NUFIP1: variants seen among roughly 807,000 people sequenced by gnomAD.
NUFIP1 encodes FMR1-interacting protein NUFIP1.
NUFIP1 carries 38 observed loss-of-function variants against 56.2 expected under a neutral mutation model. The observed-to-expected ratio is 0.68, with a 90% CI of 0.52 to 0.89. The LOEUF (loss-of-function observed/expected upper bound fraction) is 0.89. Ranked by LOEUF, NUFIP1 falls within the 40% of genes least tolerant of loss-of-function variation. The pLI is 0.00. For synonymous variants in NUFIP1, 215 were observed against 212.4 expected, an observed-to-expected ratio of 1.01 and a Z score of -0.10; for missense variants, 567 against 605.8, an observed-to-expected ratio of 0.94 and a Z score of 0.67.
chr13:44,987,430 G>A (rs948463212), intron 1 of NUFIP1, among the ~76,000 whole-genome samples: 39 of 152,050 alleles, frequency 2.6e-4, no homozygotes, highest in African/African-American at 8.9e-4. Flanking sequence ...GAGCTACCCT[G>A]CTCAGCCTAA....
At chr13:44,979,576 A>G (rs553926145) in intron 4 of NUFIP1, among the ~76,000 whole-genome samples, 59 of 152,342 alleles carry the variant, frequency 3.9e-4, no homozygotes, top group Non-Finnish European at 7.5e-4. Context: ...AGAGGCCACT[A>G]AAGATATGAG....
chr13:44,949,766 A>G lies in NUFIP1; in HGVS notation c.1094T>C (p.Met365Thr). 1 of 1,613,496 alleles carries G rather than the reference A, an allele frequency of 6.2e-7. No individual in the cohort carries two copies. Among genetic ancestry groups the G allele is most frequent in the African/African-American group, 1.3e-5 (1 of 74,910 alleles). Residue 365 changes from methionine (M) to threonine (T), a missense_variant, in exon 8 of 10, where the codon ATG becomes ACG. Transcript: ENST00000379161. ...CCCTGAAAGACTGCCATAGCTACTCATTAGTGAGCATAGGGCTGGTGTCAC... is the reference window on the plus strand; with the variant it reads ...CCCTGAAAGACTGCCATAGCTACTCGTTAGTGAGCATAGGGCTGGTGTCAC... Reference protein sequence around the residue: ...KEVTPALCSLMSSYGSLSGSE... With the variant: ...KEVTPALCSLTSSYGSLSGSE...
intron 7 of NUFIP1, among the ~76,000 whole-genome samples, chr13:44,950,880 A>G (rs988945837): frequency 6.6e-6 from 1 of 152,212 alleles, no homozygotes; most frequent in Non-Finnish European, 1.5e-5. Context: ...ACTGAAGACA[A>G]TAAGTAATTT....
intron 6 of NUFIP1, among the ~76,000 whole-genome samples, chr13:44,964,682 T>G (rs1871538294): frequency 6.6e-6 from 1 of 152,152 alleles, no homozygotes; most frequent in Non-Finnish European, 1.5e-5. Context: ...GAAGACTGAT[T>G]GGCATGTATT....
chr13:44,952,917 T>C (rs544030585), intron 7 of NUFIP1, among the ~76,000 whole-genome samples: 35 of 152,340 alleles, frequency 2.3e-4, no homozygotes, highest in African/African-American at 8.2e-4. Context: ...TTGAAGATTA[T>C]TGTCAGGTAT....
chr13:44,963,284 T>C (rs1014674251), intron 6 of NUFIP1, among the ~76,000 whole-genome samples: 4 of 152,236 alleles, frequency 2.6e-5, no homozygotes, highest in African/African-American at 7.2e-5. Context: ...GGTTTATTCC[T>C]AGGCATTTGA....
Position 44,973,914 on chromosome 13 carries a change from AT to A in NUFIP1, c.734+5275del, listed in dbSNP as rs1268021049. Among the ~76,000 whole-genome samples the A allele has an allele frequency of 4.6e-5, 7 of 152,368 alleles. No homozygotes were observed. The South Asian group carries it at 1.4e-3, about 32-fold the overall frequency. ...AGTTTGACTGAGACAAAAAGCCCCT[AT>A]AAGCAAATAATATGGAAATAATCAG... On this transcript the variant is annotated intron_variant, in intron 5 of 9. Coordinates refer to ENST00000379161, the MANE Select transcript of NUFIP1 (RefSeq NM_012345.3).
At chr13:44,983,438 A>T (rs1872267567) in intron 1 of NUFIP1, among the ~76,000 whole-genome samples, 1 of 151,926 alleles carries the variant, frequency 6.6e-6, no homozygotes, top group Non-Finnish European at 1.5e-5. Context: ...CGGCCTCCCA[A>T]AGTGCTGGGA....
At chr13:44,950,038 G>A (rs569529443) in intron 7 of NUFIP1, among the ~76,000 whole-genome samples, 200 bp from the exon 8 acceptor site, 1 of 152,272 alleles carries the variant, frequency 6.6e-6, no homozygotes, top group East Asian at 1.9e-4. Context: ...TGCCCCAGAG[G>A]AGACAGTGAG....
chr13:44,975,349 C>T (rs1871934680), intron 5 of NUFIP1, among the ~76,000 whole-genome samples: 1 of 152,120 alleles, frequency 6.6e-6, no homozygotes, highest in African/African-American at 2.4e-5. Flanking sequence ...TCAACAATGT[C>T]CAACCCAATA....
chr13:44,965,437 G>T (rs974919485), intron 6 of NUFIP1, among the ~76,000 whole-genome samples: 1 of 152,156 alleles, frequency 6.6e-6, no homozygotes, highest in Admixed American at 6.5e-5. Context: ...GGCCAGGTGC[G>T]GTAATCCCAT....
At chr13:44,979,132 C>T (rs999854115) in intron 5 of NUFIP1, 58 bp downstream of exon 5, 14 of 1,328,142 alleles carry the variant, frequency 1.1e-5, no homozygotes, top group Middle Eastern at 3.7e-4. Flanking sequence ...AATTTAACTA[C>T]ATTAATAAGC....
chr13:44,983,423 T>G (rs935941470), intron 1 of NUFIP1, among the ~76,000 whole-genome samples: 1 of 151,702 alleles, frequency 6.6e-6, no homozygotes, highest in Non-Finnish European at 1.5e-5. Context: ...GTGATCCACC[T>G]GCCTCGGCCT....
At position 44,940,207 on chromosome 13, in the gene NUFIP1, T is replaced by C. The variant is rs1870686299; in HGVS notation, c.*999A>G. Reference sequence around the variant, plus strand: ...GTGAAACAGAATAAACAGATCTGTATGGTGGGTACAAGGCTGGAAAACACT... The same window carrying C: ...GTGAAACAGAATAAACAGATCTGTACGGTGGGTACAAGGCTGGAAAACACT... On this transcript the variant is annotated 3_prime_UTR_variant, in exon 10 of 10. Coordinates refer to ENST00000379161, the MANE Select transcript of NUFIP1 (RefSeq NM_012345.3). 1 of 152,172 alleles carries C rather than the reference T, an allele frequency of 6.6e-6. No homozygotes were observed. Among genetic ancestry groups the C allele is most frequent in the Non-Finnish European group, 1.5e-5 (1 of 68,016 alleles). 9.4% of individuals were successfully genotyped at this position (152,172 alleles called of 1,614,324 possible).
intron 5 of NUFIP1, among the ~76,000 whole-genome samples, chr13:44,974,455 C>T (rs944035043): frequency 5.3e-5 from 8 of 152,188 alleles, no homozygotes; most frequent in African/African-American, 7.2e-5. Context: ...GTGAGCTGGA[C>T]GGATGGAAAG....
At chr13:44,947,466 T>C (rs1273814091) in intron 8 of NUFIP1, among the ~76,000 whole-genome samples, 8 of 152,054 alleles carry the variant, frequency 5.3e-5, no homozygotes, top group Non-Finnish European at 1.5e-5. Context: ...CTTGAACTCC[T>C]GACCTCCGGT....
chr13:44,982,025 G>T, intron 2 of NUFIP1, 47 bp downstream of exon 2: 1 of 1,014,374 alleles, frequency 9.9e-7, no homozygotes. Context: ...ATATGAAACA[G>T]TAACATAGGG....
At chr13:44,985,928 C>A (rs556299878) in intron 1 of NUFIP1, among the ~76,000 whole-genome samples, 4 of 152,302 alleles carry the variant, frequency 2.6e-5, no homozygotes, top group Non-Finnish European at 4.4e-5. Flanking sequence ...AAGCCAAAAG[C>A]CAGGCCTCTT....
At chr13:44,985,379 C>A (rs775199320) in intron 1 of NUFIP1, among the ~76,000 whole-genome samples, 2 of 152,126 alleles carry the variant, frequency 1.3e-5, no homozygotes, top group Non-Finnish European at 2.9e-5. Context: ...TCCCATATAT[C>A]CTATCTTTCA....
Sources: allele counts gnomAD v4.1 joint callset (sites outside exome capture counted in the v4.1 genomes callset), GRCh38; gene constraint gnomAD v4.1.1; transcripts MANE v1.5; gene names NCBI Gene and HGNC (gene_info 2026-07-23, HGNC 2026-07-21).